The following CNTNAP4 variants were observed in gnomAD, a reference collection of about 807,000 sequenced individuals.
CNTNAP4 encodes the protein contactin-associated protein-like 4.
Under a neutral mutation model 148.4 loss-of-function variants are expected in CNTNAP4, and 98 were observed. That is an observed-to-expected ratio of 0.66 (90% CI 0.56 to 0.78). CNTNAP4 has a LOEUF of 0.78. CNTNAP4 is among the 30% of genes least tolerant of loss of function. The pLI is 0.00. For synonymous variants in CNTNAP4, 730 were observed against 565.1 expected (o/e 1.29, Z -4.14); for missense variants, 1,935 against 1,565.6 (o/e 1.24, Z -3.98).
chr16:76,521,217 G>A lies in CNTNAP4; in HGVS notation c.2443G>A (p.Ala815Thr), dbSNP rs758195382. Residue 815 changes from alanine (A) to threonine (T), a missense_variant, in exon 16 of 24, where the codon GCG becomes ACG. Transcript: ENST00000611870. ...TCCTACCTTCCACGGAGAACTTAGC[G>A]CGGATGTATCTTTCTTTTTTAAGAC... ...HFPTFHGELS[A>T]DVSFFFKTTA... 1.1e-5 allele frequency: 17 copies of A among 1,611,902 alleles called. No homozygotes were observed. The highest frequency in any genetic ancestry group is 6.7e-5 in the African/African-American group (5 of 74,604).
chr16:76,483,231 AACACACACACAC>A lies in CNTNAP4; in HGVS notation c.1882+3729_1882+3740del, dbSNP rs59206208. Among the ~76,000 whole-genome samples, 1,125 of 140,100 alleles carry A rather than the reference AACACACACACAC, an allele frequency of 8.0e-3. 25 individuals carry two copies. Among genetic ancestry groups the A allele is most frequent in the Admixed American group, 0.037 (518 of 14,040 alleles). The allele number at this position is 140,100 out of a possible 152,430, so 91.9% of individuals were successfully genotyped here. On this transcript the variant is annotated intron_variant, in intron 12 of 23. Coordinates refer to ENST00000611870, the MANE Select transcript of CNTNAP4 (RefSeq NM_033401.5). ...ATCTCTAGTCTTTGAAGTTTTAAGA[AACACACACACAC>A]ACACACACACACACACACACACACA...
chr16:76,437,667 G>A (rs943458335), intron 4 of CNTNAP4, among the ~76,000 whole-genome samples: 5 of 152,032 alleles, frequency 3.3e-5, no homozygotes, highest in Non-Finnish European at 7.4e-5. Context: ...ACTAATGAAC[G>A]AATAGAGGAA....
chr16:76,474,669 C>G (rs1317147573), intron 10 of CNTNAP4, among the ~76,000 whole-genome samples: 3 of 152,076 alleles, frequency 2.0e-5, no homozygotes, highest in Non-Finnish European at 4.4e-5. Context: ...ATCTTTCATT[C>G]TAAATCCTAA....
chr16:76,355,917 C>A (rs1243112565), intron 3 of CNTNAP4, among the ~76,000 whole-genome samples: 1 of 150,610 alleles, frequency 6.6e-6, no homozygotes, highest in Non-Finnish European at 1.5e-5. Flanking sequence ...ACTCTGTCAC[C>A]CAGGCTGGTT....
intron 2 of CNTNAP4, among the ~76,000 whole-genome samples, chr16:76,330,364 G>A: frequency 6.6e-6 from 1 of 152,028 alleles, no homozygotes; most frequent in East Asian, 1.9e-4. Context: ...TTCTATGCAA[G>A]GTTATTTAGG....
chr16:76,440,791 CCA>C (rs2080007459), intron 4 of CNTNAP4, among the ~76,000 whole-genome samples: 1 of 152,064 alleles, frequency 6.6e-6, no homozygotes, highest in East Asian at 1.9e-4. Context: ...TATAACTGGA[CCA>C]TAGAGCTCAG....
At chr16:76,552,159 C>G (rs1267114062) in intron 21 of CNTNAP4, among the ~76,000 whole-genome samples, 1 of 146,244 alleles carries the variant, frequency 6.8e-6, no homozygotes, top group Non-Finnish European at 1.5e-5. Flanking sequence ...GAAGGATGAA[C>G]TTCCAAACAC....
At chr16:76,528,044 A>G (rs2083815928) in intron 17 of CNTNAP4, among the ~76,000 whole-genome samples, 1 of 152,168 alleles carries the variant, frequency 6.6e-6, no homozygotes, top group Non-Finnish European at 1.5e-5. Flanking sequence ...ATTGTGGAAT[A>G]TTTCAAATAA....
intron 4 of CNTNAP4, among the ~76,000 whole-genome samples, chr16:76,431,360 C>G (rs1461512984): frequency 3.9e-5 from 6 of 152,034 alleles, no homozygotes; most frequent in Non-Finnish European, 8.8e-5. Context: ...GGTAGAACCC[C>G]AAGCTAGAGG....
intron 3 of CNTNAP4, among the ~76,000 whole-genome samples, chr16:76,389,037 A>C (rs1243001740): frequency 1.3e-5 from 2 of 152,256 alleles, no homozygotes; most frequent in Non-Finnish European, 2.9e-5. Flanking sequence ...CCAAAACCTT[A>C]TGTCATTATA....
chr16:76,519,934 A>G (rs371703395), intron 15 of CNTNAP4, among the ~76,000 whole-genome samples: 4 of 152,226 alleles, frequency 2.6e-5, no homozygotes, highest in African/African-American at 9.6e-5. Context: ...AGAAACACGT[A>G]TAAGCAAAGT....
At chr16:76,415,729 C>A (rs1403491504) in intron 3 of CNTNAP4, among the ~76,000 whole-genome samples, 1 of 150,942 alleles carries the variant, frequency 6.6e-6, no homozygotes, top group African/African-American at 2.4e-5. Flanking sequence ...ACACCCTGAC[C>A]CTGGAAATAA....
At chr16:76,320,667 T>A (rs956253007) in intron 2 of CNTNAP4, among the ~76,000 whole-genome samples, 1 of 152,158 alleles carries the variant, frequency 6.6e-6, no homozygotes. Context: ...CTCTTAGTGT[T>A]GTCAATGTAG....
At chr16:76,361,258 T>G (rs910453638) in intron 3 of CNTNAP4, among the ~76,000 whole-genome samples, 8 of 152,202 alleles carry the variant, frequency 5.3e-5, no homozygotes, top group African/African-American at 1.9e-4. Flanking sequence ...ATCGTTTTGC[T>G]TAACTGGAAC....
At chr16:76,535,490 A>G in intron 17 of CNTNAP4, 55 bp from the exon 18 acceptor site, 1 of 1,589,138 alleles carries the variant, frequency 6.3e-7, no homozygotes, top group Non-Finnish European at 8.6e-7. Flanking sequence ...TTGGTCTTTA[A>G]ACCCTGAATA....
chr16:76,496,459 C>G (rs1342412727), intron 14 of CNTNAP4, among the ~76,000 whole-genome samples: 2 of 152,074 alleles, frequency 1.3e-5, no homozygotes, highest in African/African-American at 4.8e-5. Flanking sequence ...GCTAACCCTT[C>G]TCAGATAATT....
chr16:76,447,289 C>CT (rs2080283486), intron 4 of CNTNAP4, among the ~76,000 whole-genome samples: 1 of 151,242 alleles, frequency 6.6e-6, no homozygotes, highest in African/African-American at 2.4e-5. Context: ...GCATTCCAGC[C>CT]TGGGTGACAA....
chr16:76,514,640 C>G (rs2083173220), intron 15 of CNTNAP4, among the ~76,000 whole-genome samples: 1 of 152,072 alleles, frequency 6.6e-6, no homozygotes. Context: ...TTTTATATTG[C>G]TCTGCAAACC....
chr16:76,298,313 CT>C (rs1323494821), intron 1 of CNTNAP4, among the ~76,000 whole-genome samples: 2 of 152,046 alleles, frequency 1.3e-5, no homozygotes, highest in Admixed American at 1.3e-4. Context: ...TCAAGTTTAA[CT>C]AAAATGCAAT....
Sources: allele counts gnomAD v4.1 joint callset (sites outside exome capture counted in the v4.1 genomes callset), GRCh38; gene constraint gnomAD v4.1.1; transcripts MANE v1.5; gene names NCBI Gene and HGNC (gene_info 2026-07-23, HGNC 2026-07-21).